ZNF793: variants seen among roughly 807,000 people sequenced by gnomAD.
ZNF793 encodes zinc finger protein 793.
ZNF793 carries 5 observed loss-of-function variants against 12.4 expected under a neutral mutation model. The observed-to-expected ratio is 0.40, with a 90% confidence interval of 0.21 to 0.84. ZNF793 has a LOEUF of 0.84. Among genes scored for constraint, ZNF793 ranks in the 40% least tolerant of loss-of-function variants. The pLI, the probability that ZNF793 is intolerant of heterozygous loss-of-function variation, is 0.35. For synonymous variants in ZNF793, 162 were observed against 172.4 expected (o/e 0.94, Z 0.47); for missense variants, 456 against 495.0 (o/e 0.92, Z 0.75).
rs777440463 is a variant in ZNF793, at chr19:37,533,372, TGAGGCAGCATGC to T, written c.208_219del (p.Glu70_Cys73del). On this transcript the variant is annotated inframe_deletion, in exon 7 of 8. Transcript: ENST00000627814. ...AGCAGGAAGAAGCACCATGGATTGGTGAGGCAGCATGCCCGGGCTGCCACTGTTGGGGTAAGT... is the reference window on the plus strand; with the variant it reads ...AGCAGGAAGAAGCACCATGGATTGGTCCGGGCTGCCACTGTTGGGGTAAGT... 18 of 1,613,912 alleles carry T rather than the reference TGAGGCAGCATGC, an allele frequency of 1.1e-5. No individual in the cohort carries two copies. Among genetic ancestry groups the T allele is most frequent in the Non-Finnish European group, 1.0e-5 (12 of 1,179,900 alleles).
chr19:37,529,760 T>C (rs1380450842), intron 5 of ZNF793, among the ~76,000 whole-genome samples: 1 of 152,216 alleles, frequency 6.6e-6, no homozygotes, highest in Non-Finnish European at 1.5e-5. Context: ...CCTGAAGTGC[T>C]GGGATTACAG....
At chr19:37,536,705 C>T (rs1289272321) in intron 7 of ZNF793, 192 bp from the exon 8 acceptor site, 4 of 614,292 alleles carry the variant, frequency 6.5e-6, no homozygotes, top group African/African-American at 3.7e-5. Flanking sequence ...GGTCTCTATA[C>T]TCTATGATAT....
At chr19:37,515,887 G>A (rs1196169378) in intron 2 of ZNF793, among the ~76,000 whole-genome samples, 1 of 151,952 alleles carries the variant, frequency 6.6e-6, no homozygotes, top group African/African-American at 2.4e-5. Flanking sequence ...TCTTAAGAAG[G>A]GATCTCTTTG....
At position 37,537,677 on chromosome 19, in the gene ZNF793, G is replaced by A. The variant is rs45505797; in HGVS notation, c.1019G>A (p.Arg340His). Reference sequence around the variant, plus strand: ...ATGCACACAGGAGAAAGACCGTATCGTTGCAGAGAATGTGGAAAATCCTTC... The same window carrying A: ...ATGCACACAGGAGAAAGACCGTATCATTGCAGAGAATGTGGAAAATCCTTC... ...RKMHTGERPY[R>H]CRECGKSFSQ... Residue 340 changes from arginine (R) to histidine (H), a missense_variant, in exon 8 of 8, where the codon CGT becomes CAT. By Grantham distance (29) the Arg-to-His change is conservative. Coordinates refer to ENST00000627814, the MANE Select transcript of ZNF793 (RefSeq NM_001013659.3). 0.04 allele frequency: 63,894 copies of A among 1,613,828 alleles called. 1,550 individuals are homozygous for A. Among genetic ancestry groups the A allele is most frequent in the African/African-American group, 0.083 (6,190 of 74,956 alleles).
At chr19:37,523,898 C>T (rs2042393405) in intron 5 of ZNF793, among the ~76,000 whole-genome samples, 1 of 152,038 alleles carries the variant, frequency 6.6e-6, no homozygotes, top group Admixed American at 6.6e-5. Context: ...GCCTGTAATC[C>T]CGGCACTTTG....
At chr19:37,516,240 T>C (rs1256910433) in intron 2 of ZNF793, among the ~76,000 whole-genome samples, 2 of 152,188 alleles carry the variant, frequency 1.3e-5, no homozygotes, top group African/African-American at 2.4e-5. Context: ...GTTCAGGCGA[T>C]TCTTCTGCCT....
rs1160497758 is a variant in ZNF793, at chr19:37,543,226, G to C, written c.*5347G>C. ...GTGTTAACATTCATTGGTTACCTTG[G>C]TGGAGAAGGGTAATAAGTTTTCTGA... On this transcript the variant is annotated 3_prime_UTR_variant, in exon 8 of 8. Transcript: ENST00000627814. The C allele has an allele frequency of 6.6e-6, 1 of 152,228 alleles. No homozygotes were observed. Among genetic ancestry groups the C allele is most frequent in the Admixed American group, 6.5e-5 (1 of 15,274 alleles). The allele number at this position is 152,228 out of a possible 1,614,324, so 9.4% of individuals were successfully genotyped here.
Position 37,532,373 on chromosome 19 carries a change from A to G in ZNF793, c.33A>G (p.Lys11=). MIEYQIPVSF[K]DVVVGFTQEE... Reference sequence around the variant, plus strand: ...TTCAACAGATACCTGTGTCATTCAAAGATGTGGTTGTGGGCTTCACCCAAG... The same window carrying G: ...TTCAACAGATACCTGTGTCATTCAAGGATGTGGTTGTGGGCTTCACCCAAG... Residue 11 remains lysine (K), a synonymous_variant, in exon 6 of 8, where the codon AAA becomes AAG. Coordinates refer to ENST00000627814, the MANE Select transcript of ZNF793 (RefSeq NM_001013659.3). 6.2e-7 allele frequency: 1 copy of G among 1,614,040 alleles called. No individual in the cohort carries two copies. Among genetic ancestry groups the G allele is most frequent in the Non-Finnish European group, 8.5e-7 (1 of 1,179,960 alleles).
intron 2 of ZNF793, among the ~76,000 whole-genome samples, chr19:37,511,657 C>T (rs2042295474): frequency 6.6e-6 from 1 of 152,146 alleles, no homozygotes; most frequent in African/African-American, 2.4e-5. Flanking sequence ...AGCAACAGAA[C>T]AAGACTCTGT....
intron 2 of ZNF793, among the ~76,000 whole-genome samples, chr19:37,510,510 C>T (rs2042285427): frequency 1.5e-5 from 2 of 133,630 alleles, no homozygotes; most frequent in Non-Finnish European, 1.6e-5. Flanking sequence ...AGTGAAACTC[C>T]ATCTCAAAAA....
intron 2 of ZNF793, among the ~76,000 whole-genome samples, chr19:37,508,674 C>T (rs1011341271): frequency 2.6e-5 from 4 of 151,902 alleles, no homozygotes; most frequent in African/African-American, 9.7e-5. Flanking sequence ...CCACTGCACT[C>T]CAGCCCGGGT....
At chr19:37,516,670 T>G (rs1050971045) in intron 2 of ZNF793, among the ~76,000 whole-genome samples, 2 of 152,040 alleles carry the variant, frequency 1.3e-5, no homozygotes, top group Admixed American at 6.6e-5. Flanking sequence ...TTTTAAATTT[T>G]GATTCTTGCT....
intron 1 of ZNF793, among the ~76,000 whole-genome samples, chr19:37,507,619 TAG>T (rs1406645710): frequency 6.6e-6 from 1 of 152,134 alleles, no homozygotes; most frequent in Non-Finnish European, 1.5e-5. Flanking sequence ...GAATGGAGAA[TAG>T]AGTCAAGTGT....
At chr19:37,529,091 T>G (rs1438943560) in intron 5 of ZNF793, among the ~76,000 whole-genome samples, 3 of 152,146 alleles carry the variant, frequency 2.0e-5, no homozygotes, top group African/African-American at 7.2e-5. Flanking sequence ...GCCCCTACCC[T>G]CTTTCCCTCC....
intron 2 of ZNF793, among the ~76,000 whole-genome samples, chr19:37,510,932 C>T (rs1323433048): frequency 6.6e-6 from 1 of 151,844 alleles, no homozygotes; most frequent in African/African-American, 2.4e-5. Context: ...CTCCTGACCT[C>T]GTGATCCGCC....
In ZNF793 at chr19:37,532,576, C is replaced by T. The variant is rs149437764; in HGVS notation, c.142+94C>T. 1.4e-4 allele frequency: 194 copies of T among 1,409,650 alleles called. No homozygotes were observed. In the African/African-American group the frequency reaches 2.6e-3, roughly 19 times the overall value. The allele number at this position is 1,409,650 out of a possible 1,614,324, so 87.3% of individuals were successfully genotyped here. A position where few individuals can be genotyped will look rare whatever the true frequency, so the allele number is the denominator to read the frequency against. Reference sequence around the variant, plus strand: ...AAGCAACTGGAGTACTTTGGGAGGCCAAGGCAGGTGGATCACCTGAGGTCA... The same window carrying T: ...AAGCAACTGGAGTACTTTGGGAGGCTAAGGCAGGTGGATCACCTGAGGTCA... On this transcript the variant is annotated intron_variant, in intron 6 of 7. Coordinates refer to ENST00000627814, the MANE Select transcript of ZNF793 (RefSeq NM_001013659.3).
intron 7 of ZNF793, chr19:37,534,198 C>T (rs943822405): frequency 6.6e-6 from 1 of 152,082 alleles, no homozygotes; most frequent in African/African-American, 2.4e-5. Context: ...TATCTATTTC[C>T]CTGGCTCAAA....
At chr19:37,509,150 G>T (rs974815030) in intron 2 of ZNF793, among the ~76,000 whole-genome samples, 1 of 152,208 alleles carries the variant, frequency 6.6e-6, no homozygotes, top group Non-Finnish European at 1.5e-5. Flanking sequence ...ATATTTCACA[G>T]TGGGGAAGCC....
chr19:37,516,930 G>A (rs1163862934), intron 2 of ZNF793, among the ~76,000 whole-genome samples: 1 of 152,174 alleles, frequency 6.6e-6, no homozygotes, highest in Non-Finnish European at 1.5e-5. Flanking sequence ...ACAGGCATGA[G>A]CCACTGTGCC....
Sources: allele counts gnomAD v4.1 joint callset (sites outside exome capture counted in the v4.1 genomes callset), GRCh38; gene constraint gnomAD v4.1.1; transcripts MANE v1.5; gene names NCBI Gene and HGNC (gene_info 2026-07-23, HGNC 2026-07-21).